The following DNAJC1 variants were observed in gnomAD, a reference collection of about 807,000 sequenced individuals.
DNAJC1 encodes the protein dnaJ homolog subfamily C member 1.
In DNAJC1, 58 loss-of-function variants were observed where a neutral mutation model predicts 76.6. The ratio of observed to expected loss-of-function variants is 0.76; its 90% CI spans 0.61 to 0.94. The LOEUF (loss-of-function observed/expected upper bound fraction) is 0.94, where lower values mean the gene tolerates loss of function less well. Ranked by LOEUF, DNAJC1 falls within the 40% of genes least tolerant of loss-of-function variation. The pLI, the probability that DNAJC1 is intolerant of heterozygous loss-of-function variation, is 0.00. For synonymous variants in DNAJC1, 258 were observed against 267.9 expected (o/e 0.96, Z 0.36); for missense variants, 689 against 677.3 (o/e 1.02, Z -0.19).
chr10:21,849,292 CAAA>C (rs33953332), intron 8 of DNAJC1, among the ~76,000 whole-genome samples: 2 of 35,862 alleles, frequency 5.6e-5, no homozygotes, highest in African/African-American at 1.2e-4. Context: ...GACTCCGCCT[CAAA>C]AAAAAAAAAA....
At chr10:21,958,652 T>C (rs1837734894) in intron 1 of DNAJC1, among the ~76,000 whole-genome samples, 1 of 152,122 alleles carries the variant, frequency 6.6e-6, no homozygotes, top group African/African-American at 2.4e-5. Flanking sequence ...AGTCTCGATC[T>C]CCTCACCTCG....
intron 1 of DNAJC1, among the ~76,000 whole-genome samples, chr10:21,933,816 G>A (rs1338881588): frequency 6.6e-6 from 1 of 152,094 alleles, no homozygotes; most frequent in Non-Finnish European, 1.5e-5. Flanking sequence ...ATGTCACAGT[G>A]CAATGTATCT....
chr10:21,888,276 C>T (rs1385755777), intron 7 of DNAJC1, among the ~76,000 whole-genome samples: 2 of 152,110 alleles, frequency 1.3e-5, no homozygotes, highest in African/African-American at 4.8e-5. Context: ...AACACCTATA[C>T]ACTGTTGGTG....
chr10:21,805,525 T>A (rs1834873489), intron 9 of DNAJC1, among the ~76,000 whole-genome samples: 1 of 151,550 alleles, frequency 6.6e-6, no homozygotes, highest in South Asian at 2.1e-4. Flanking sequence ...CTATCATCCT[T>A]GAAACAAAAA....
intron 1 of DNAJC1, among the ~76,000 whole-genome samples, chr10:21,992,990 G>A (rs986660068): frequency 1.3e-5 from 2 of 151,872 alleles, no homozygotes; most frequent in Non-Finnish European, 2.9e-5. Flanking sequence ...AAATTCCCTC[G>A]GCCATACTTT....
At chr10:21,919,692 G>T in intron 5 of DNAJC1, 140 bp downstream of exon 5, 1 of 533,422 alleles carries the variant, frequency 1.9e-6, no homozygotes, top group South Asian at 3.9e-5. Flanking sequence ...CATAAACAAT[G>T]GCACATTATT....
At chr10:21,930,701 A>G (rs1302928249) in intron 1 of DNAJC1, among the ~76,000 whole-genome samples, 1 of 152,178 alleles carries the variant, frequency 6.6e-6, no homozygotes, top group African/African-American at 2.4e-5. Context: ...TGTAATTTTC[A>G]TTCTACTTTG....
At chr10:21,870,473 C>A (rs1283573818) in intron 8 of DNAJC1, among the ~76,000 whole-genome samples, 2 of 152,070 alleles carry the variant, frequency 1.3e-5, no homozygotes, top group East Asian at 3.8e-4. Context: ...GTAAGATACA[C>A]TCAAGAAAAC....
intron 8 of DNAJC1, among the ~76,000 whole-genome samples, chr10:21,809,489 T>C (rs1459575343): frequency 6.6e-6 from 1 of 151,458 alleles, no homozygotes; most frequent in Non-Finnish European, 1.5e-5. Flanking sequence ...AATAACATTC[T>C]TACATCGCAT....
At chr10:21,915,693 T>C (rs1836940899) in intron 6 of DNAJC1, among the ~76,000 whole-genome samples, 1 of 152,184 alleles carries the variant, frequency 6.6e-6, no homozygotes, top group Non-Finnish European at 1.5e-5. Flanking sequence ...TCTAATTACA[T>C]GATTCAATTA....
At chr10:21,965,834 A>G (rs11813955) in intron 1 of DNAJC1, among the ~76,000 whole-genome samples, 22,981 of 152,112 alleles carry the variant, frequency 0.15, 1,829 homozygotes, top group East Asian at 0.25. Flanking sequence ...TACTTTGTTA[A>G]TAAACTTGCT....
At chr10:21,766,416 C>G (rs1834300584) in intron 9 of DNAJC1, 107 bp from the exon 10 acceptor site, 1 of 835,012 alleles carries the variant, frequency 1.2e-6, no homozygotes, top group East Asian at 2.4e-5. Context: ...TTCATTGGAT[C>G]TTAGGCCTGA....
chr10:21,866,134 C>CAAAAAAAAAAAAA (rs1306930222), intron 8 of DNAJC1, among the ~76,000 whole-genome samples: 1 of 34,008 alleles, frequency 2.9e-5, no homozygotes, highest in Non-Finnish European at 6.6e-5. Flanking sequence ...GACTTCAACT[C>CAAAAAAAAAAAAA]AAAAAAAAAA....
intron 1 of DNAJC1, among the ~76,000 whole-genome samples, chr10:21,991,158 A>G (rs1838320592): frequency 6.6e-6 from 1 of 152,216 alleles, no homozygotes; most frequent in Non-Finnish European, 1.5e-5. Flanking sequence ...TTTCATAGCT[A>G]GCAATATATA....
At chr10:21,926,875 T>G (rs1039022959) in intron 3 of DNAJC1, among the ~76,000 whole-genome samples, 1 of 152,156 alleles carries the variant, frequency 6.6e-6, no homozygotes, top group Non-Finnish European at 1.5e-5. Context: ...TCCATGTTAA[T>G]GAAGAAACAA....
chr10:21,865,521 C>T (rs1368767467), intron 8 of DNAJC1: 1 of 151,994 alleles, frequency 6.6e-6, no homozygotes, highest in Non-Finnish European at 1.5e-5. Flanking sequence ...GAAAACTAAT[C>T]CATGATAATA....
intron 9 of DNAJC1, among the ~76,000 whole-genome samples, chr10:21,795,510 C>G (rs914191578): frequency 6.6e-6 from 1 of 151,914 alleles, no homozygotes; most frequent in Non-Finnish European, 1.5e-5. Context: ...AATGTAATAT[C>G]CTGAAAAGAA....
chr10:21,922,218 CT>C (rs1309785287), intron 3 of DNAJC1, among the ~76,000 whole-genome samples: 4 of 151,750 alleles, frequency 2.6e-5, no homozygotes, highest in African/African-American at 7.3e-5. Flanking sequence ...GCAGTAGCTA[CT>C]TTGATAGTTA....
At position 21,904,623 on chromosome 10, in the gene DNAJC1, A is replaced by G. The variant is rs1291924139; in HGVS notation, c.730-11T>C. ...AAACTGCCCAGCATCCTTAAGAAAA[A>G]AAGTTATACATAAATTAACATAAAA... On this transcript the variant is annotated splice_polypyrimidine_tract_variant and intron_variant, in intron 6 of 11. Coordinates refer to ENST00000376980, the MANE Select transcript of DNAJC1 (RefSeq NM_022365.4). 3.1e-5 allele frequency: 47 copies of G among 1,512,050 alleles called. No homozygotes were observed. Among genetic ancestry groups the G allele is most frequent in the Non-Finnish European group, 4.3e-5 (47 of 1,100,914 alleles). The allele number at this position is 1,512,050 out of a possible 1,614,324, so 93.7% of individuals were successfully genotyped here.
Sources: allele counts gnomAD v4.1 joint callset (sites outside exome capture counted in the v4.1 genomes callset), GRCh38; gene constraint gnomAD v4.1.1; transcripts MANE v1.5; gene names NCBI Gene and HGNC (gene_info 2026-07-23, HGNC 2026-07-21).